The following CD82 variants were observed in gnomAD, a reference collection of about 807,000 sequenced individuals.
CD82 encodes the protein CD82 molecule, also known as CD82 antigen.
CD82 carries 36 observed loss-of-function variants against 37.4 expected under a neutral mutation model. That is an observed-to-expected ratio of 0.96 (90% CI 0.74 to 1.27). CD82 has a LOEUF of 1.27. Among genes scored for constraint, CD82 ranks in the 50% most tolerant of loss-of-function variants. CD82 has a pLI of 0.00. For synonymous variants in CD82, 158 were observed against 137.4 expected, an observed-to-expected ratio of 1.15 and a Z score of -1.05; for missense variants, 340 against 347.0, an observed-to-expected ratio of 0.98 and a Z score of 0.16.
At position 44,619,159 on chromosome 11, in the gene CD82, C is replaced by T. The variant is rs1182952483; in HGVS notation, c.*33C>T. 1.3e-6 allele frequency: 2 copies of T among 1,574,280 alleles called. No individual in the cohort carries two copies. Among genetic ancestry groups the T allele is most frequent in the South Asian group, 1.1e-5 (1 of 90,350 alleles). On this transcript the variant is annotated 3_prime_UTR_variant, in exon 10 of 10. Coordinates refer to ENST00000227155, the MANE Select transcript of CD82 (RefSeq NM_002231.4). ...GCTATCCCCATCTCCCTGCCTGGCC[C>T]CCAACCTCAGGGCTCCCAGGGGTCT...
chr11:44,573,765 C>T (rs1852848550), intron 1 of CD82, among the ~76,000 whole-genome samples: 1 of 152,222 alleles, frequency 6.6e-6, no homozygotes, highest in Admixed American at 6.5e-5. Context: ...GGGGCTGTGC[C>T]TACAGCTTGG....
intron 7 of CD82, among the ~76,000 whole-genome samples, chr11:44,617,650 CA>C (rs1237342472): frequency 1.8e-4 from 28 of 151,680 alleles, no homozygotes; most frequent in Non-Finnish European, 4.0e-4. Flanking sequence ...AGCTCAGAGG[CA>C]AATCTCAACT....
chr11:44,618,671 A>G lies in CD82; in HGVS notation c.674A>G (p.Gln225Arg). 4 of 1,613,254 alleles carry G rather than the reference A, an allele frequency of 2.5e-6. No individual in the cohort carries two copies. In the South Asian group the frequency reaches 3.3e-5, roughly 13 times the overall value. ...ATGGAGAAGGTGCAGGCGTGGCTGC[A>G]GGAGAACCTGGGCATCATCCTCGGC... is the stretch of plus-strand genomic sequence containing the variant. ...GCMEKVQAWL[Q>R]ENLGIILGVG... Residue 225 changes from glutamine to arginine, a missense_variant, in exon 9 of 10, where the codon CAG becomes CGG. Transcript: ENST00000227155.
chr11:44,581,273 A>G (rs1852975286), intron 1 of CD82, among the ~76,000 whole-genome samples: 1 of 151,956 alleles, frequency 6.6e-6, no homozygotes, highest in Non-Finnish European at 1.5e-5. Flanking sequence ...TTGGGGTTCA[A>G]CTCTCTGCCC....
intron 1 of CD82, among the ~76,000 whole-genome samples, chr11:44,574,951 C>T (rs531745675): frequency 1.5e-4 from 23 of 152,334 alleles, no homozygotes; most frequent in Admixed American, 3.9e-4. Context: ...CTATAATGAT[C>T]GCCTTGTCCC....
chr11:44,571,182 C>T (rs1050214581), intron 1 of CD82, among the ~76,000 whole-genome samples: 1 of 152,148 alleles, frequency 6.6e-6, no homozygotes, highest in Non-Finnish European at 1.5e-5. Flanking sequence ...CCTGGCTCTG[C>T]CATGGAGCTA....
intron 1 of CD82, 58 bp downstream of exon 1, chr11:44,565,794 T>G (rs953032942): frequency 6.6e-6 from 1 of 152,282 alleles, no homozygotes; most frequent in Non-Finnish European, 1.5e-5. Flanking sequence ...GCAAAGTTAG[T>G]TTTAGCCCCC....
intron 4 of CD82, 107 bp downstream of exon 4, chr11:44,600,337 T>C: frequency 9.5e-7 from 1 of 1,047,482 alleles, no homozygotes; most frequent in Non-Finnish European, 1.5e-6. Context: ...CCTGTTGCTT[T>C]TCCCGCTGAC....
At chr11:44,566,722 A>C (rs1401270320) in intron 1 of CD82, among the ~76,000 whole-genome samples, 1 of 152,230 alleles carries the variant, frequency 6.6e-6, no homozygotes, top group Admixed American at 6.5e-5. Flanking sequence ...GAAACCAGTG[A>C]GACCTCCCTC....
At chr11:44,576,323 C>A (rs1852890721) in intron 1 of CD82, among the ~76,000 whole-genome samples, 1 of 152,184 alleles carries the variant, frequency 6.6e-6, no homozygotes. Context: ...AGGTCAGCCA[C>A]CCCAGGTAGG....
At chr11:44,609,849 A>G (rs1003768423) in intron 6 of CD82, among the ~76,000 whole-genome samples, 3 of 152,088 alleles carry the variant, frequency 2.0e-5, no homozygotes, top group Non-Finnish European at 4.4e-5. Context: ...CTGGAAAGGG[A>G]TTATGGAAAG....
At chr11:44,573,617 C>A (rs1369154242) in intron 1 of CD82, among the ~76,000 whole-genome samples, 1 of 152,222 alleles carries the variant, frequency 6.6e-6, no homozygotes, top group African/African-American at 2.4e-5. Flanking sequence ...GCTTTCTCTG[C>A]CCCACACCCT....
chr11:44,587,719 T>C, intron 2 of CD82, 163 bp downstream of exon 2: 1 of 403,240 alleles, frequency 2.5e-6, no homozygotes, highest in Non-Finnish European at 5.1e-6. Flanking sequence ...GCATTTAGAG[T>C]CCTGGAGTGC....
chr11:44,567,978 G>A (rs1171553503), intron 1 of CD82, among the ~76,000 whole-genome samples: 7 of 152,356 alleles, frequency 4.6e-5, no homozygotes, highest in African/African-American at 1.7e-4. Flanking sequence ...CATTCTGGCT[G>A]AAGTTTGGGA....
intron 1 of CD82, among the ~76,000 whole-genome samples, chr11:44,568,438 G>A (rs1341602535): frequency 1.3e-5 from 2 of 151,774 alleles, no homozygotes; most frequent in East Asian, 1.9e-4. Context: ...GGTGATGAAT[G>A]CTACAGAGGG....
At chr11:44,618,072 T>A in intron 7 of CD82, 90 bp from the exon 8 acceptor site, 1 of 1,118,464 alleles carries the variant, frequency 8.9e-7, no homozygotes, top group East Asian at 2.4e-5. Context: ...TATCTCAGTC[T>A]CTGTCCTGGG....
rs1435068956 is a variant in CD82, at chr11:44,597,001, G to A, written c.63+2276G>A. On this transcript the variant is annotated intron_variant, in intron 3 of 9. Coordinates refer to ENST00000227155, the MANE Select transcript of CD82 (RefSeq NM_002231.4). The surrounding 1 kb of genome is among the most constrained non-coding windows in gnomAD (Gnocchi z 4.1). ...AAAGGCTTCCTGGGGTTCTGGGTGT[G>A]GCTTTGGAGAGGGGGATCCTGGCAG... 2.2e-6 allele frequency: 1 copy of A among 456,098 alleles called. No individual in the cohort carries two copies. The highest frequency in any genetic ancestry group is 4.4e-6 in the Non-Finnish European group (1 of 226,954). The allele number at this position is 456,098 out of a possible 1,614,324, so 28.3% of individuals were successfully genotyped here.
intron 6 of CD82, chr11:44,606,416 C>G (rs1248356906): frequency 6.9e-6 from 1 of 144,918 alleles, no homozygotes; most frequent in African/African-American, 2.6e-5. Context: ...GAGGTTGAGG[C>G]TACAGGGAGC....
rs56665683 is a variant in CD82, at chr11:44,590,610, C to CAAAAAAAAAAAAAAAA, written c.-21+3059_-21+3074dup. Among the ~76,000 whole-genome samples the CAAAAAAAAAAAAAAAA allele has an allele frequency of 3.0e-4, 10 of 33,452 alleles. 2 individuals are homozygous for CAAAAAAAAAAAAAAAA. Among genetic ancestry groups the CAAAAAAAAAAAAAAAA allele is most frequent in the African/African-American group, 9.4e-4 (9 of 9,584 alleles). The allele number at this position is 33,452 out of a possible 152,430, so 21.9% of individuals were successfully genotyped here. ...TGGGCAACAGAGGGAGATTCTGTCT[C>CAAAAAAAAAAAAAAAA]AAAAAAAAAAAAAAAAAAAAGATGA... On this transcript the variant is annotated intron_variant, in intron 2 of 9. Transcript: ENST00000227155.
Sources: gnomAD v4.1 joint callset for allele counts (sites outside exome capture counted in the v4.1 genomes callset) on GRCh38, gnomAD v4.1.1 for gene constraint, Gnocchi (gnomAD v3.1) non-coding constraint, MANE v1.5 for transcripts, NCBI Gene and HGNC (gene_info 2026-07-23, HGNC 2026-07-21) for gene names.